PCDHA4: variants seen among roughly 807,000 people sequenced by gnomAD.
The protein encoded by PCDHA4 is protocadherin alpha 4, also known as protocadherin alpha-4.
In PCDHA4, 49 loss-of-function variants were observed where a neutral mutation model predicts 61.4. The observed-to-expected ratio is 0.80, with a 90% CI of 0.63 to 1.01. The LOEUF (loss-of-function observed/expected upper bound fraction) is 1.01, where lower values mean the gene tolerates loss of function less well. PCDHA4 is among the 50% of genes least tolerant of loss of function. The probability of loss-of-function intolerance (pLI) is 0.00; values close to 1 mark genes in which losing one functional copy is unlikely to be tolerated. For missense variants in PCDHA4, 1,254 were observed against 1,235.8 expected, an observed-to-expected ratio of 1.01 and a Z score of -0.22; for synonymous variants, 590 against 550.3, an observed-to-expected ratio of 1.07 and a Z score of -1.01.
intron 1 of PCDHA4, chr5:140,967,436 C>A (rs781894469): frequency 1.2e-6 from 2 of 1,613,378 alleles, no homozygotes; most frequent in Non-Finnish European, 8.5e-7. Flanking sequence ...AGCCTTGCAC[C>A]ACCTGGTTCT....
intron 1 of PCDHA4, chr5:140,863,555 T>A (rs2153224638): frequency 2.6e-6 from 1 of 378,382 alleles, no homozygotes; most frequent in East Asian, 6.5e-5. Flanking sequence ...CAATAGGAAA[T>A]TTTTGAGAAT....
At chr5:140,999,638 CTG>C (rs2097866913) in intron 3 of PCDHA4, among the ~76,000 whole-genome samples, 1 of 152,170 alleles carries the variant, frequency 6.6e-6, no homozygotes, top group Non-Finnish European at 1.5e-5. Flanking sequence ...GTAGAGAAAA[CTG>C]TGCAGCCTGA....
intron 1 of PCDHA4, chr5:140,847,434 A>T (rs1554141788): frequency 1.3e-5 from 2 of 149,796 alleles, no homozygotes; most frequent in East Asian, 3.9e-4. Flanking sequence ...TAGACTTGAG[A>T]TACACTAAAA....
intron 1 of PCDHA4, chr5:140,843,183 C>G (rs1778646285): frequency 1.9e-6 from 3 of 1,595,908 alleles, no homozygotes; most frequent in Non-Finnish European, 2.6e-6. Flanking sequence ...CCTCGCATCC[C>G]GTTCCGCGTG....
Position 140,857,690 on chromosome 5 carries a change from T to G in PCDHA4, c.2385+48118T>G, listed in dbSNP as rs184684054. On this transcript the variant is annotated intron_variant, in intron 1 of 3. Transcript: ENST00000530339. ...GGGCGTGCCGCCTCTGGGCAGCAAC[T>G]TGACGCTGCAGGTGTTCGTGCTGGA... 2.4e-3 allele frequency: 3,841 copies of G among 1,597,044 alleles called. 312 individuals are homozygous for G. In the African/African-American group the frequency reaches 0.036, roughly 15 times the overall value.
chr5:140,843,302 G>A, intron 1 of PCDHA4: 1 of 1,595,928 alleles, frequency 6.3e-7, no homozygotes, highest in Non-Finnish European at 8.6e-7. Flanking sequence ...TGCGCTGACC[G>A]CCACGGCCAC....
At chr5:140,842,829 C>A (rs2150345601) in intron 1 of PCDHA4, 3 of 1,593,748 alleles carry the variant, frequency 1.9e-6, no homozygotes, top group Admixed American at 3.4e-5. Flanking sequence ...GGCGAGCGCT[C>A]GCTGTCGAGC....
intron 1 of PCDHA4, chr5:140,881,303 C>A: frequency 2.1e-6 from 2 of 962,604 alleles, no homozygotes; most frequent in Non-Finnish European, 2.5e-6. Flanking sequence ...GAAACTTTAA[C>A]CTCCTGGTTA....
Position 140,808,180 on chromosome 5 carries a change from T to C in PCDHA4, c.993T>C (p.Ser331=). 1 of 1,614,254 alleles carries C rather than the reference T, an allele frequency of 6.2e-7. No individual in the cohort carries two copies. Among genetic ancestry groups the C allele is most frequent in the Non-Finnish European group, 8.5e-7 (1 of 1,180,052 alleles). Residue 331 remains serine (S), a synonymous_variant, in exon 1 of 4, where the codon TCT becomes TCC. Coordinates refer to ENST00000530339, the MANE Select transcript of PCDHA4 (RefSeq NM_018907.4). ...EGIDKGQLPL[S]GHCRVIVEVE... ...TTGATAAGGGACAGCTCCCACTTTC[T>C]GGCCATTGTAGAGTTATTGTGGAAG...
chr5:140,871,211 T>C (rs781784103), intron 1 of PCDHA4: 2 of 1,613,842 alleles, frequency 1.2e-6, no homozygotes, highest in Non-Finnish European at 1.7e-6. Context: ...ATCATCGCCA[T>C]CTGCGTGGTG....
At position 140,808,928 on chromosome 5, in the gene PCDHA4, G is replaced by T; in HGVS notation, c.1741G>T (p.Val581Leu). The T allele has an allele frequency of 6.2e-7, 1 of 1,613,746 alleles. No homozygotes were observed. The highest frequency in any genetic ancestry group is 8.5e-7 in the Non-Finnish European group (1 of 1,179,848). The part of the protein sequence containing the change: ...GGTGGAVSEL[V>L]PWSVGVGHVV... Reference sequence around the variant, plus strand: ...CACTGGTGGCGCAGTGAGCGAGCTGGTGCCATGGTCGGTGGGTGTGGGCCA... The same window carrying T: ...CACTGGTGGCGCAGTGAGCGAGCTGTTGCCATGGTCGGTGGGTGTGGGCCA... Residue 581 changes from valine (V) to leucine (L), a missense_variant, in exon 1 of 4, where the codon GTG becomes TTG. By Grantham distance (32) the Val-to-Leu change is conservative. Transcript: ENST00000530339.
At chr5:140,975,174 T>C (rs1470598627) in intron 1 of PCDHA4, among the ~76,000 whole-genome samples, 1 of 152,208 alleles carries the variant, frequency 6.6e-6, no homozygotes, top group Non-Finnish European at 1.5e-5. Context: ...GACTCAGGAC[T>C]CTTGTCCCAT....
chr5:140,938,797 G>A (rs76361474), intron 1 of PCDHA4, among the ~76,000 whole-genome samples: 2 of 151,926 alleles, frequency 1.3e-5, no homozygotes, highest in East Asian at 1.9e-4. Flanking sequence ...TGAAATAATC[G>A]GTACCACAAA....
chr5:140,926,884 A>G, intron 1 of PCDHA4: 7 of 1,542,402 alleles, frequency 4.5e-6, no homozygotes, highest in Non-Finnish European at 6.1e-6. Flanking sequence ...GTGGACGCCT[A>G]GAGGGAGGAT....
intron 1 of PCDHA4, chr5:140,883,195 T>G (rs781816525): frequency 6.2e-7 from 1 of 1,613,904 alleles, no homozygotes; most frequent in Non-Finnish European, 8.5e-7. Flanking sequence ...GCAAACTAGA[T>G]TTCGAAGAAA....
At position 140,870,536 on chromosome 5, in the gene PCDHA4, C is replaced by T. The variant is rs782205013; in HGVS notation, c.2385+60964C>T. On this transcript the variant is annotated intron_variant, in intron 1 of 3. Transcript: ENST00000530339. ...GGCTGCCACATCTTCACAGTGTCGGCGCGGGACGCGGACGCGCAGGAGAAC... is the reference window on the plus strand; with the variant it reads ...GGCTGCCACATCTTCACAGTGTCGGTGCGGGACGCGGACGCGCAGGAGAAC... 1.1e-5 allele frequency: 18 copies of T among 1,614,036 alleles called. No individual in the cohort carries two copies. The Admixed American group carries it at 3.0e-4, about 27-fold the overall frequency.
chr5:140,850,244 G>C, intron 1 of PCDHA4: 1 of 1,593,676 alleles, frequency 6.3e-7, no homozygotes, highest in Non-Finnish European at 8.6e-7. Flanking sequence ...TGGTGCTGCG[G>C]TCGGTGGGCG....
chr5:140,828,648 G>C (rs1769869572), intron 1 of PCDHA4: 1 of 1,614,194 alleles, frequency 6.2e-7, no homozygotes, highest in Non-Finnish European at 8.5e-7. Flanking sequence ...AAAATAAACA[G>C]TGATGACAAT....
At position 140,848,233 on chromosome 5, in the gene PCDHA4, TAA is replaced by T. The variant is rs1363334655; in HGVS notation, c.2385+38662_2385+38663del. The stretch of plus-strand genomic sequence containing the variant: ...TTAAGAAAAAATTAAGAAAATGAAA[TAA>T]GTTTTGCAGAATAACTGTGAAATTT... On this transcript the variant is annotated intron_variant, in intron 1 of 3. Transcript: ENST00000530339. The T allele has an allele frequency of 7.5e-5, 31 of 410,834 alleles. 1 individual carries two copies. Among genetic ancestry groups the T allele is most frequent in the Middle Eastern group, 1.3e-3 (2 of 1,546 alleles). 25.4% of individuals were successfully genotyped at this position (410,834 alleles called of 1,614,324 possible).
Sources: gnomAD v4.1 joint callset for allele counts (sites outside exome capture counted in the v4.1 genomes callset) on GRCh38, gnomAD v4.1.1 for gene constraint, MANE v1.5 for transcripts, NCBI Gene and HGNC (gene_info 2026-07-23, HGNC 2026-07-21) for gene names.